CSMD1: variants seen among roughly 807,000 people sequenced by gnomAD.
CSMD1 encodes CUB and Sushi multiple domains 1, also known as CUB and sushi domain-containing protein 1.
In CSMD1, 213 loss-of-function variants were observed where a neutral mutation model predicts 417.5. The observed-to-expected ratio is 0.51, with a 90% CI of 0.46 to 0.57. The LOEUF is 0.57. Among genes scored for constraint, CSMD1 ranks in the 20% least tolerant of loss-of-function variants. The pLI is 0.00. For missense variants in CSMD1, 6,923 were observed against 4,529.7 expected (o/e 1.53, Z -15.17); for synonymous variants, 2,862 against 1,736.8 (o/e 1.65, Z -16.11).
intron 1 of CSMD1, among the ~76,000 whole-genome samples, chr8:4,918,806 T>G (rs1209212272): frequency 1.3e-5 from 2 of 152,192 alleles, no homozygotes; most frequent in African/African-American, 4.8e-5. Context: ...AACACACTTG[T>G]GAATATGTAT....
chr8:3,357,145 A>G (rs1456111637), intron 21 of CSMD1, among the ~76,000 whole-genome samples: 1 of 152,124 alleles, frequency 6.6e-6, no homozygotes, highest in African/African-American at 2.4e-5. Context: ...TTAGAGAGAA[A>G]TGAAGACAGC....
chr8:4,327,439 T>G (rs912813280), intron 3 of CSMD1, among the ~76,000 whole-genome samples: 2 of 152,150 alleles, frequency 1.3e-5, no homozygotes, highest in Admixed American at 6.5e-5. Context: ...TCAGTCGGAT[T>G]GTTTGCAGCC....
chr8:3,930,518 T>C (rs981197059), intron 5 of CSMD1, among the ~76,000 whole-genome samples: 31 of 150,416 alleles, frequency 2.1e-4, no homozygotes, highest in African/African-American at 7.6e-4. Context: ...TCCTCTGCCT[T>C]TGCCTCTTTT....
chr8:4,502,722 C>T (rs1802320128), intron 2 of CSMD1, among the ~76,000 whole-genome samples: 1 of 152,268 alleles, frequency 6.6e-6, no homozygotes, highest in African/African-American at 2.4e-5. Flanking sequence ...AGTATATTAA[C>T]AGCAGATCTT....
Position 4,032,086 on chromosome 8 carries a change from G to A in CSMD1, c.429C>T (p.His143=), listed in dbSNP as rs772201365. Residue 143 remains histidine (H), a synonymous_variant, in exon 4 of 70, where the codon CAC becomes CAT. Coordinates refer to ENST00000635120, the MANE Select transcript of CSMD1 (RefSeq NM_033225.6). ...FKALYEVLPS[H]TCGNPGEILK... is the part of the protein sequence containing the mutation. Reference sequence around the variant, plus strand: ...GGATTTCTCCAGGATTTCCACAAGTGTGGCTAGGTAAAACTATTGGAAAAA... The same window carrying A: ...GGATTTCTCCAGGATTTCCACAAGTATGGCTAGGTAAAACTATTGGAAAAA... 9.3e-6 allele frequency: 15 copies of A among 1,611,092 alleles called. No homozygotes were observed. Among genetic ancestry groups the A allele is most frequent in the Non-Finnish European group, 7.6e-6 (9 of 1,177,996 alleles).
At chr8:3,887,207 G>A (rs370187704) in intron 5 of CSMD1, among the ~76,000 whole-genome samples, 8 of 152,156 alleles carry the variant, frequency 5.3e-5, no homozygotes, top group South Asian at 2.1e-4. Context: ...GGCAATCAGC[G>A]TCAACAAGGA....
At chr8:3,774,723 T>C (rs979191796) in intron 5 of CSMD1, among the ~76,000 whole-genome samples, 1 of 152,146 alleles carries the variant, frequency 6.6e-6, no homozygotes, top group African/African-American at 2.4e-5. Context: ...ATTTCTGCTC[T>C]CAAATTTTGG....
chr8:3,974,473 T>A (rs1044864222), intron 5 of CSMD1, among the ~76,000 whole-genome samples: 1 of 152,020 alleles, frequency 6.6e-6, no homozygotes. Context: ...CTTATTAAAA[T>A]GTATTAAAAC....
intron 12 of CSMD1, among the ~76,000 whole-genome samples, chr8:3,439,310 T>TATATATATATATATATATATATA (rs1491240170): frequency 5.5e-4 from 11 of 20,096 alleles, no homozygotes; most frequent in South Asian, 2.0e-3. Context: ...TATATATATA[T>TATATATATATATATATATATATA]TTTTTTTTTT....
At chr8:4,018,880 T>C (rs1796650521) in intron 4 of CSMD1, among the ~76,000 whole-genome samples, 1 of 152,070 alleles carries the variant, frequency 6.6e-6, no homozygotes, top group Non-Finnish European at 1.5e-5. Flanking sequence ...ACCAGAGGGA[T>C]GATGATAATA....
intron 6 of CSMD1, among the ~76,000 whole-genome samples, chr8:3,742,799 A>G (rs983493069): frequency 2.6e-5 from 4 of 152,204 alleles, no homozygotes; most frequent in Non-Finnish European, 5.9e-5. Flanking sequence ...ACAACAAAAA[A>G]CAAACAGAGA....
intron 1 of CSMD1, among the ~76,000 whole-genome samples, chr8:4,679,782 G>C (rs910895805): frequency 2.0e-5 from 3 of 151,998 alleles, no homozygotes; most frequent in African/African-American, 7.2e-5. Context: ...TAAGTAATAT[G>C]TGTATAAATA....
chr8:3,814,841 G>T (rs1422371096), intron 5 of CSMD1, among the ~76,000 whole-genome samples: 1 of 152,036 alleles, frequency 6.6e-6, no homozygotes, highest in Non-Finnish European at 1.5e-5. Flanking sequence ...TGAAGAAGCG[G>T]ACTCCTTCAT....
At chr8:3,496,613 G>C (rs1796375971) in intron 10 of CSMD1, among the ~76,000 whole-genome samples, 1 of 152,132 alleles carries the variant, frequency 6.6e-6, no homozygotes, top group Admixed American at 6.5e-5. Flanking sequence ...GGGTCATGAG[G>C]TCAGGAATTC....
intron 23 of CSMD1, among the ~76,000 whole-genome samples, chr8:3,315,934 C>G (rs746724698): frequency 6.6e-6 from 1 of 152,148 alleles, no homozygotes; most frequent in African/African-American, 2.4e-5. Context: ...GTACTTTGAT[C>G]TTGTGCAGAG....
At chr8:4,022,614 G>T (rs1796845785) in intron 4 of CSMD1, among the ~76,000 whole-genome samples, 1 of 152,176 alleles carries the variant, frequency 6.6e-6, no homozygotes, top group Non-Finnish European at 1.5e-5. Flanking sequence ...CTTTGCGACA[G>T]TCCTAGAAAC....
chr8:2,961,913 G>GA (rs1306083369), intron 61 of CSMD1, among the ~76,000 whole-genome samples: 1 of 151,984 alleles, frequency 6.6e-6, no homozygotes, highest in Non-Finnish European at 1.5e-5. Context: ...CTTCTAATTA[G>GA]AAAAAATGCT....
chr8:3,944,651 T>A (rs913710012), intron 5 of CSMD1, among the ~76,000 whole-genome samples: 1 of 152,192 alleles, frequency 6.6e-6, no homozygotes, highest in South Asian at 2.1e-4. Flanking sequence ...ACTGGTGGAT[T>A]CATTTTTGGG....
At chr8:4,446,530 G>A (rs771682410) in intron 2 of CSMD1, among the ~76,000 whole-genome samples, 1 of 152,158 alleles carries the variant, frequency 6.6e-6, no homozygotes, top group Non-Finnish European at 1.5e-5. Context: ...CTGGGCAGCA[G>A]AATGAGACCC....
Sources: gnomAD v4.1 joint callset for allele counts (sites outside exome capture counted in the v4.1 genomes callset) on GRCh38, gnomAD v4.1.1 for gene constraint, MANE v1.5 for transcripts, NCBI Gene and HGNC (gene_info 2026-07-23, HGNC 2026-07-21) for gene names.